Variants in LARS2 observed in about 807,000 individuals in gnomAD.
LARS2 encodes leucyl-tRNA synthetase 2, mitochondrial.
LARS2 carries 81 observed loss-of-function variants against 116.6 expected under a neutral mutation model. The ratio of observed to expected loss-of-function variants is 0.69; its 90% CI spans 0.58 to 0.84. The LOEUF (loss-of-function observed/expected upper bound fraction) is 0.84. Ranked by LOEUF, LARS2 falls within the 40% of genes least tolerant of loss-of-function variation. The pLI, the probability that LARS2 is intolerant of heterozygous loss-of-function variation, is 0.00. For missense variants in LARS2, 968 were observed against 1,114.5 expected (o/e 0.87, Z 1.87); for synonymous variants, 396 against 407.2 (o/e 0.97, Z 0.33).
At chr3:45,530,279 A>G (rs1575316474) in intron 20 of LARS2, among the ~76,000 whole-genome samples, 1 of 152,118 alleles carries the variant, frequency 6.6e-6, no homozygotes, top group Non-Finnish European at 1.5e-5. Flanking sequence ...TCCCAGCACT[A>G]TGGGAGGCCG....
At chr3:45,414,525 T>A (rs1244905801) in intron 4 of LARS2, among the ~76,000 whole-genome samples, 2 of 152,174 alleles carry the variant, frequency 1.3e-5, no homozygotes, top group African/African-American at 4.8e-5. Context: ...TTCGTCATTA[T>A]TTTAAGGAAA....
rs1343153153 is a variant in LARS2, at chr3:45,548,322, G to C, written c.*792G>C. Reference sequence around the variant, plus strand: ...AACCACTCCCTTGGGTATACAATTTGCTGTGTAGTGAAGTGGAACCAGGCT... The same window carrying C: ...AACCACTCCCTTGGGTATACAATTTCCTGTGTAGTGAAGTGGAACCAGGCT... On this transcript the variant is annotated 3_prime_UTR_variant, in exon 22 of 22. Transcript: ENST00000645846. 1 of 152,270 alleles carries C rather than the reference G, an allele frequency of 6.6e-6. No individual in the cohort carries two copies. Among genetic ancestry groups the C allele is most frequent in the Non-Finnish European group, 1.5e-5 (1 of 68,062 alleles). The allele number at this position is 152,270 out of a possible 1,614,324, so 9.4% of individuals were successfully genotyped here.
intron 20 of LARS2, among the ~76,000 whole-genome samples, chr3:45,538,964 C>T (rs1481701884): frequency 6.6e-6 from 1 of 152,128 alleles, no homozygotes; most frequent in African/African-American, 2.4e-5. Flanking sequence ...GATTTACATT[C>T]TGGCCCAAGT....
intron 2 of LARS2, 31 bp from the exon 3 acceptor site, chr3:45,394,402 C>A: frequency 7.6e-7 from 1 of 1,320,426 alleles, no homozygotes; most frequent in Non-Finnish European, 1.1e-6. Context: ...TTTGAGGCAG[C>A]TCATAGTGTG....
chr3:45,408,819 T>C (rs1315157312), intron 4 of LARS2, among the ~76,000 whole-genome samples: 1 of 152,354 alleles, frequency 6.6e-6, no homozygotes, highest in East Asian at 1.9e-4. Flanking sequence ...CACTCAACTT[T>C]AAACATATAG....
intron 6 of LARS2, among the ~76,000 whole-genome samples, chr3:45,425,899 T>G (rs1325428264): frequency 1.5e-5 from 2 of 134,546 alleles, no homozygotes; most frequent in Non-Finnish European, 3.2e-5. Flanking sequence ...ATAAGCCTTT[T>G]TTTTTTTCTT....
At chr3:45,391,196 C>A (rs1369244458) in intron 1 of LARS2, among the ~76,000 whole-genome samples, 1 of 151,942 alleles carries the variant, frequency 6.6e-6, no homozygotes, top group Non-Finnish European at 1.5e-5. Flanking sequence ...ATTAAATATT[C>A]ATCTGTGGTC....
chr3:45,491,885 C>G, intron 13 of LARS2, 85 bp downstream of exon 13: 1 of 1,292,830 alleles, frequency 7.7e-7, no homozygotes, highest in South Asian at 1.3e-5. Context: ...CCTCCTGGTG[C>G]TAACTCTGCT....
chr3:45,476,367 G>A (rs1426795554), intron 9 of LARS2, 101 bp from the exon 10 acceptor site: 2 of 1,268,388 alleles, frequency 1.6e-6, no homozygotes, highest in Non-Finnish European at 1.1e-6. Flanking sequence ...TGTGGTCACT[G>A]TTGGGGAATG....
At chr3:45,445,841 G>A (rs1699009448) in intron 6 of LARS2, among the ~76,000 whole-genome samples, 1 of 152,176 alleles carries the variant, frequency 6.6e-6, no homozygotes. Flanking sequence ...CAAAGTCCGG[G>A]TTTGAAGCTG....
At chr3:45,517,517 C>A (rs578105757) in intron 17 of LARS2, among the ~76,000 whole-genome samples, 7 of 152,222 alleles carry the variant, frequency 4.6e-5, no homozygotes, top group Non-Finnish European at 1.0e-4. Flanking sequence ...GAGCTTGCAC[C>A]AGCAGGAGTC....
chr3:45,499,980 T>G (rs1291268188), intron 14 of LARS2, among the ~76,000 whole-genome samples: 1 of 150,558 alleles, frequency 6.6e-6, no homozygotes, highest in Non-Finnish European at 1.5e-5. Flanking sequence ...TATATATTTT[T>G]GTTTGTTTGT....
At chr3:45,531,828 G>T (rs1021992373) in intron 20 of LARS2, among the ~76,000 whole-genome samples, 2 of 152,204 alleles carry the variant, frequency 1.3e-5, no homozygotes, top group African/African-American at 4.8e-5. Flanking sequence ...CATTTGTTGT[G>T]ATGGGAATGT....
chr3:45,488,373 C>T lies in LARS2; in HGVS notation c.1124-324C>T, dbSNP rs1825210. Among the ~76,000 whole-genome samples the T allele has an allele frequency of 0.8, 121,662 of 152,194 alleles. 52,830 individuals are homozygous for T. The highest frequency in any genetic ancestry group is 0.98 in the East Asian group (5,046 of 5,170). ...ACTTGAACCCGGGAGGCTGAAGTTGCAGTGAGCCGAGATCGTGCCACTGCA... is the reference window on the plus strand; with the variant it reads ...ACTTGAACCCGGGAGGCTGAAGTTGTAGTGAGCCGAGATCGTGCCACTGCA... On this transcript the variant is annotated intron_variant, in intron 11 of 21. Transcript: ENST00000645846.
At position 45,524,193 on chromosome 3, in the gene LARS2, T is replaced by C; in HGVS notation, c.2404+85T>C. 3.5e-6 allele frequency: 3 copies of C among 865,816 alleles called. No individual in the cohort carries two copies. In the Middle Eastern group the frequency reaches 7.0e-4, roughly 201 times the overall value. The allele number at this position is 865,816 out of a possible 1,614,324, so 53.6% of individuals were successfully genotyped here. ...TTTTGAACATCATTCGGGACTCAGA[T>C]GTCCTCAGATATAGGGTCCAACATT... On this transcript the variant is annotated intron_variant, in intron 20 of 21. Coordinates refer to ENST00000645846, the MANE Select transcript of LARS2 (RefSeq NM_015340.4).
In LARS2 at chr3:45,503,977, A is replaced by G. The variant is rs527867236; in HGVS notation, c.1760+3398A>G. On this transcript the variant is annotated intron_variant, in intron 15 of 21. Transcript: ENST00000645846. ...TCCCCACGTGTGTTTTTATTGATAT[A>G]GTCATTTTAAATGTTGCTTATATTG... 4.6e-5 allele frequency among the ~76,000 whole-genome samples: 7 copies of G among 152,128 alleles called. No homozygotes were observed. The South Asian group carries it at 1.5e-3, about 32-fold the overall frequency.
intron 6 of LARS2, among the ~76,000 whole-genome samples, chr3:45,428,530 C>A (rs1406231851): frequency 6.6e-6 from 1 of 152,202 alleles, no homozygotes; most frequent in Non-Finnish European, 1.5e-5. Flanking sequence ...CAGGCGTGAG[C>A]CACCGCGCCC....
At chr3:45,535,361 A>G (rs1700684697) in intron 20 of LARS2, among the ~76,000 whole-genome samples, 1 of 46,868 alleles carries the variant, frequency 2.1e-5, no homozygotes, top group Non-Finnish European at 8.7e-5. Flanking sequence ...TCAATTAAAA[A>G]AAAAAAGAAA....
chr3:45,503,525 CTG>C (rs1229081626), intron 15 of LARS2, among the ~76,000 whole-genome samples: 2 of 152,076 alleles, frequency 1.3e-5, no homozygotes, highest in Non-Finnish European at 2.9e-5. Context: ...GCTTCAGTAA[CTG>C]TGTTTTCCTA....
Sources: allele counts gnomAD v4.1 joint callset (sites outside exome capture counted in the v4.1 genomes callset), GRCh38; gene constraint gnomAD v4.1.1; transcripts MANE v1.5; gene names NCBI Gene and HGNC (gene_info 2026-07-23, HGNC 2026-07-21).